IGSF8: variants seen among roughly 807,000 people sequenced by gnomAD.
The protein encoded by IGSF8 is CD81 partner 3.
IGSF8 carries 46 observed loss-of-function variants against 55.5 expected under a neutral mutation model. That is an observed-to-expected ratio of 0.83 (90% CI 0.65 to 1.06). The LOEUF (loss-of-function observed/expected upper bound fraction) is 1.06, where lower values mean the gene tolerates loss of function less well. Among genes scored for constraint, IGSF8 ranks in the 50% least tolerant of loss-of-function variants. The pLI, the probability that IGSF8 is intolerant of heterozygous loss-of-function variation, is 0.00. For synonymous variants in IGSF8, 314 were observed against 356.1 expected, an observed-to-expected ratio of 0.88 and a Z score of 1.33; for missense variants, 731 against 832.3, an observed-to-expected ratio of 0.88 and a Z score of 1.50.
chr1:160,096,473 G>T (rs544684670), intron 1 of IGSF8, among the ~76,000 whole-genome samples: 2 of 152,168 alleles, frequency 1.3e-5, no homozygotes, highest in Non-Finnish European at 1.5e-5. Context: ...CTCCCAGGGG[G>T]ATACCATGGA....
rs182890724 is a variant in IGSF8, at chr1:160,092,019, G to C, written c.1727-81C>G. The C allele has an allele frequency of 9.6e-6, 10 of 1,042,062 alleles. No individual in the cohort carries two copies. The Admixed American group carries it at 1.9e-4, about 20-fold the overall frequency. The allele number at this position is 1,042,062 out of a possible 1,614,324, so 64.6% of individuals were successfully genotyped here. On this transcript the variant is annotated intron_variant, in intron 5 of 6. Coordinates refer to ENST00000314485, the MANE Select transcript of IGSF8 (RefSeq NM_052868.6). ...CTTGCCTCTGCGCTTTCCCCATCAA[G>C]TTCTCTGAACCCACCTTCTCCATTC...
upstream of IGSF8, among the ~76,000 whole-genome samples, chr1:160,099,462 A>T (rs1302894569): frequency 6.6e-6 from 1 of 152,082 alleles, no homozygotes; most frequent in African/African-American, 2.4e-5. Flanking sequence ...CCAAAAGAAA[A>T]ATGGATTAGG....
intron 1 of IGSF8, chr1:160,097,797 C>A: frequency 1.0e-6 from 1 of 985,430 alleles, no homozygotes; most frequent in Non-Finnish European, 1.2e-6. Flanking sequence ...TGGAACTAAG[C>A]GGTGTGAAAA....
rs1318896590 is a variant in IGSF8 at position 160,095,108 on chromosome 1, C to CTA, written c.201_202dup (p.Arg68IlefsTer80). 6.2e-7 allele frequency: 1 copy of CTA among 1,614,144 alleles called. No individual in the cohort carries two copies. The highest frequency in any genetic ancestry group is 2.2e-5 in the East Asian group (1 of 44,880). ...CAGTGCAGTATCTGGGGCCTCGGGC[C>CTA]TATACAGGAACCACTCGAAGTTCTG... On this transcript the variant is annotated frameshift_variant, in exon 2 of 7. Transcript: ENST00000314485. LOFTEE classifies it high-confidence loss of function.
chr1:160,091,594 C>T lies in IGSF8; in HGVS notation c.*30G>A, dbSNP rs1131891. On this transcript the variant is annotated 3_prime_UTR_variant, in exon 7 of 7. Transcript: ENST00000314485. The stretch of plus-strand genomic sequence containing the variant: ...GCTTGGAGCTGGGCCGGAAGACAGT[C>T]GACACCTGCAAGACCTGAAAAGGGT... The T allele has an allele frequency of 0.11, 60,756 of 534,794 alleles. 4,130 individuals carry two copies. The highest frequency in any genetic ancestry group is 0.16 in the Admixed American group (4,943 of 30,880). The allele number at this position is 534,794 out of a possible 1,614,324, so 33.1% of individuals were successfully genotyped here.
Position 160,091,433 on chromosome 1 carries a change from A to T in IGSF8, c.*191T>A, listed in dbSNP as rs552578231. The T allele has an allele frequency of 1.8e-5, 4 of 227,568 alleles. No homozygotes were observed. Among genetic ancestry groups the T allele is most frequent in the Non-Finnish European group, 3.5e-5 (4 of 114,918 alleles). 14.1% of individuals were successfully genotyped at this position (227,568 alleles called of 1,614,324 possible). ...ATAGGATCCCTAAGAGATCAAGAAC[A>T]GAAGGCCAGAGGGAGGGGCTTGGGA... On this transcript the variant is annotated 3_prime_UTR_variant, in exon 7 of 7. Transcript: ENST00000314485.
At chr1:160,097,038 A>G (rs1650480771) in intron 1 of IGSF8, among the ~76,000 whole-genome samples, 1 of 152,212 alleles carries the variant, frequency 6.6e-6, no homozygotes, top group East Asian at 1.9e-4. Context: ...TATCAGTCGC[A>G]GCAAGGAAAG....
intron 1 of IGSF8, 62 bp downstream of exon 1, chr1:160,098,347 G>A: frequency 1.3e-6 from 2 of 1,542,464 alleles, no homozygotes; most frequent in Non-Finnish European, 1.8e-6. Flanking sequence ...AATGCTAGGG[G>A]GGTGCTGGAT....
At position 160,093,940 on chromosome 1, in the gene IGSF8, T is replaced by A. The variant is rs765325934; in HGVS notation, c.674A>T (p.Asp225Val). 2.5e-6 allele frequency: 4 copies of A among 1,614,248 alleles called. No homozygotes were observed. Among genetic ancestry groups the A allele is most frequent in the Non-Finnish European group, 3.4e-6 (4 of 1,180,048 alleles). The stretch of plus-strand genomic sequence containing the variant: ...GGGAGCTCCAGCCTCCACGGCCAAG[T>A]CTGACCGGATTCCCACCACTTCCTG... Reference protein sequence around the residue: ...TLQEVVGIRSDLAVEAGAPYA... With the variant: ...TLQEVVGIRSVLAVEAGAPYA... The change falls in exon 3 of 7, where the codon GAC becomes GTC. Residue 225 changes from aspartate to valine, a missense_variant. Physicochemically the swap from Asp to Val is radical, Grantham distance 152 (BLOSUM62 -3). Transcript: ENST00000314485.
chr1:160,094,839 G>A lies in IGSF8; in HGVS notation c.442+30C>T. On this transcript the variant is annotated intron_variant, in intron 2 of 6. Transcript: ENST00000314485. This position sits in a 1 kb window ranked among gnomAD's most constrained non-coding sequence, Gnocchi z 4.0. ...TTGACTTTCTGCCTTGAGAGGGTGT[G>A]TGGCTCCACCCCGTCCCAGGGCCCA... 6.3e-7 allele frequency: 1 copy of A among 1,586,680 alleles called. No homozygotes were observed. The highest frequency in any genetic ancestry group is 8.6e-7 in the Non-Finnish European group (1 of 1,162,432).
intron 3 of IGSF8, 111 bp from the exon 4 acceptor site, chr1:160,093,442 G>C (rs1650162206): frequency 9.4e-7 from 1 of 1,069,324 alleles, no homozygotes. Context: ...AAAACCTCCT[G>C]TCTCCCCCTC....
intron 1 of IGSF8, chr1:160,098,068 GTGT>G: frequency 1.3e-6 from 1 of 768,824 alleles, no homozygotes. Flanking sequence ...CTGGAGCTGA[GTGT>G]GGGGCAGAAA....
chr1:160,097,984 C>A, intron 1 of IGSF8: 1 of 985,486 alleles, frequency 1.0e-6, no homozygotes, highest in Non-Finnish European at 1.2e-6. Flanking sequence ...GGCCTCTGGG[C>A]CTCCAGCCAA....
Position 160,092,534 on chromosome 1 carries a change from C to T in IGSF8, c.1474G>A (p.Val492Ile), listed in dbSNP as rs771968016. 1.2e-6 allele frequency: 2 copies of T among 1,612,776 alleles called. No homozygotes were observed. The highest frequency in any genetic ancestry group is 2.2e-5 in the South Asian group (2 of 91,024). ...ACGCCACCCACCAGCTGGGCAGGGA[C>T]AGAGCTGAGCTCTCCGTCCTCTGGT... is the stretch of plus-strand genomic sequence containing the variant. Reference protein sequence around the residue: ...ERPEDGELSSVPAQLVGGVGQ... With the variant: ...ERPEDGELSSIPAQLVGGVGQ... The change falls in exon 5 of 7, where the codon GTC (valine) becomes ATC (isoleucine). Residue 492 changes from valine (V) to isoleucine (I), a missense_variant. Val to Ile is a conservative substitution (Grantham distance 29, BLOSUM62 3). Coordinates refer to ENST00000314485, the MANE Select transcript of IGSF8 (RefSeq NM_052868.6).
At chr1:160,098,683 C>T (rs1269974180), upstream of IGSF8, 1 of 513,700 alleles carries the variant, frequency 1.9e-6, no homozygotes, top group Non-Finnish European at 3.4e-6. Context: ...ACCATTCTCG[C>T]CCCGGCCCGC....
At chr1:160,092,087 G>A (rs1649997394) in intron 5 of IGSF8, 149 bp from the exon 6 acceptor site, 1 of 815,158 alleles carries the variant, frequency 1.2e-6, no homozygotes, top group South Asian at 1.6e-5. Flanking sequence ...CCCTCAGCAT[G>A]CAAGTCAGCA....
chr1:160,091,828 GT>G lies in IGSF8; in HGVS notation c.1836del (p.Lys612AsnfsTer69). 1 of 1,611,946 alleles carries G rather than the reference GT, an allele frequency of 6.2e-7. No individual in the cohort carries two copies. The highest frequency in any genetic ancestry group is 2.2e-5 in the East Asian group (1 of 44,866). On this transcript the variant is annotated frameshift_variant, in exon 6 of 7. Transcript: ENST00000314485. LOFTEE classifies it high-confidence loss of function. ...CTCACCTGGGGAGTAAGGGATCACC[GT>G]TTTCGAAGCCTCTTCATGAAGCAGC... ...ITCCFMKRLR[K>X]R
intron 5 of IGSF8, 150 bp from the exon 6 acceptor site, chr1:160,092,088 C>T (rs943189232): frequency 7.3e-6 from 6 of 819,682 alleles, no homozygotes; most frequent in Admixed American, 2.2e-5. Context: ...CCTCAGCATG[C>T]AAGTCAGCAT....
chr1:160,097,362 G>GAGGACTC (rs1351199509), intron 1 of IGSF8, among the ~76,000 whole-genome samples: 2 of 152,144 alleles, frequency 1.3e-5, no homozygotes, highest in African/African-American at 4.8e-5. Context: ...GGACCAGGGA[G>GAGGACTC]AGGACTCATC....
Sources: allele counts gnomAD v4.1 joint callset (sites outside exome capture counted in the v4.1 genomes callset), GRCh38; gene constraint gnomAD v4.1.1; non-coding constraint Gnocchi (gnomAD v3.1); transcripts MANE v1.5; gene names NCBI Gene and HGNC (gene_info 2026-07-23, HGNC 2026-07-21).